The following KIF24 variants were observed in gnomAD, a reference collection of about 807,000 sequenced individuals.
The protein encoded by KIF24 is kinesin-like protein KIF24.
KIF24 carries 81 observed loss-of-function variants against 118.9 expected under a neutral mutation model. The observed-to-expected ratio is 0.68, with a 90% CI of 0.57 to 0.82. The LOEUF is 0.82. Among genes scored for constraint, KIF24 ranks in the 40% least tolerant of loss-of-function variants. The pLI, the probability that KIF24 is intolerant of heterozygous loss-of-function variation, is 0.00. For missense variants in KIF24, 1,560 were observed against 1,661.6 expected, an observed-to-expected ratio of 0.94 and a Z score of 1.06; for synonymous variants, 599 against 610.0, an observed-to-expected ratio of 0.98 and a Z score of 0.27.
At chr9:34,267,690 T>C (rs1010686636) in intron 8 of KIF24, among the ~76,000 whole-genome samples, 4 of 152,208 alleles carry the variant, frequency 2.6e-5, no homozygotes, top group African/African-American at 9.6e-5. Context: ...AAATGAGATA[T>C]TCTACAAGCT....
intron 1 of KIF24, among the ~76,000 whole-genome samples, chr9:34,322,077 A>G (rs970721806): frequency 1.3e-5 from 2 of 151,932 alleles, no homozygotes; most frequent in African/African-American, 4.8e-5. Flanking sequence ...AATTTGTTGT[A>G]CTGTTTAAAA....
At chr9:34,311,751 T>G (rs951920722) in intron 1 of KIF24, among the ~76,000 whole-genome samples, 6 of 148,028 alleles carry the variant, frequency 4.1e-5, no homozygotes, top group African/African-American at 1.5e-4. Flanking sequence ...TATATACGTA[T>G]ATATGTGTAT....
At chr9:34,272,611 A>C (rs908200962) in intron 6 of KIF24, among the ~76,000 whole-genome samples, 41 of 152,108 alleles carry the variant, frequency 2.7e-4, no homozygotes, top group Admixed American at 2.5e-3. Context: ...TTAGTTACTG[A>C]GAATAAAAAA....
chr9:34,310,041 G>T (rs1837077789), intron 2 of KIF24, among the ~76,000 whole-genome samples: 2 of 146,804 alleles, frequency 1.4e-5, no homozygotes, highest in African/African-American at 5.0e-5. Context: ...GGGATTACTT[G>T]TTATTTCACC....
intron 11 of KIF24, 52 bp from the exon 12 acceptor site, chr9:34,255,217 T>G: frequency 8.7e-7 from 1 of 1,144,682 alleles, no homozygotes; most frequent in Non-Finnish European, 1.3e-6. Context: ...CAGCCTCTCC[T>G]GGGTAGCTTT....
chr9:34,253,467 C>G lies in KIF24; in HGVS notation c.*913G>C, dbSNP rs1834687517. 6.6e-6 allele frequency: 1 copy of G among 152,206 alleles called. No homozygotes were observed. The highest frequency in any genetic ancestry group is 2.4e-5 in the African/African-American group (1 of 41,434). 9.4% of individuals were successfully genotyped at this position (152,206 alleles called of 1,614,324 possible). ...GCCTCAGACTGTTGAACAGAGCACT[C>G]TGTTCAACTGCCAAGGTTCCCAACA... On this transcript the variant is annotated 3_prime_UTR_variant, in exon 13 of 13. Coordinates refer to ENST00000402558, the MANE Select transcript of KIF24 (RefSeq NM_194313.4).
upstream of KIF24, among the ~76,000 whole-genome samples, chr9:34,331,312 G>A (rs1405395232): frequency 1.3e-5 from 2 of 152,142 alleles, no homozygotes; most frequent in Non-Finnish European, 2.9e-5. Flanking sequence ...CATATATTTA[G>A]TACCTCTGAT....
intron 6 of KIF24, among the ~76,000 whole-genome samples, chr9:34,278,482 C>A (rs556869969): frequency 9.3e-5 from 14 of 150,742 alleles, no homozygotes; most frequent in East Asian, 3.9e-4. Flanking sequence ...TAAACTATTT[C>A]TTTTTTTCAT....
intron 6 of KIF24, among the ~76,000 whole-genome samples, chr9:34,277,352 T>C (rs959946807): frequency 2.0e-5 from 3 of 152,136 alleles, no homozygotes; most frequent in Non-Finnish European, 2.9e-5. Flanking sequence ...GGTAGAATAT[T>C]GTCAGGCCAG....
chr9:34,307,147 C>T (rs1176391580), intron 2 of KIF24, among the ~76,000 whole-genome samples: 1 of 152,124 alleles, frequency 6.6e-6, no homozygotes, highest in Non-Finnish European at 1.5e-5. Flanking sequence ...TGGCTCATTG[C>T]AGCCTCAACC....
intron 8 of KIF24, among the ~76,000 whole-genome samples, chr9:34,266,730 T>C (rs964610621): frequency 7.3e-5 from 11 of 150,516 alleles, no homozygotes; most frequent in East Asian, 1.9e-4. Flanking sequence ...CCAAGACTCA[T>C]TGAAGAAATG....
chr9:34,265,690 G>C (rs1220175980), intron 8 of KIF24, among the ~76,000 whole-genome samples: 1 of 151,640 alleles, frequency 6.6e-6, no homozygotes, highest in African/African-American at 2.4e-5. Context: ...ATCTTGAACT[G>C]AATTAATCAT....
chr9:34,280,147 A>G (rs889649925), intron 6 of KIF24, among the ~76,000 whole-genome samples: 2 of 150,536 alleles, frequency 1.3e-5, no homozygotes, highest in East Asian at 1.9e-4. Context: ...AGCCGGGCGT[A>G]GTGGCGGGCG....
chr9:34,332,364 T>G (rs904715065), upstream of KIF24, among the ~76,000 whole-genome samples: 1 of 152,200 alleles, frequency 6.6e-6, no homozygotes, highest in African/African-American at 2.4e-5. Context: ...TGCCTTTCCA[T>G]CTTACGTTGC....
intron 5 of KIF24, among the ~76,000 whole-genome samples, chr9:34,287,016 T>C (rs1836076741): frequency 6.6e-6 from 1 of 152,244 alleles, no homozygotes; most frequent in Admixed American, 6.5e-5. Context: ...ATGGGATCTC[T>C]GCTGGTCCAA....
intron 1 of KIF24, among the ~76,000 whole-genome samples, chr9:34,311,763 T>TACAC (rs1193768283): frequency 2.4e-4 from 35 of 147,882 alleles, no homozygotes; most frequent in African/African-American, 8.8e-4. Flanking sequence ...TATGTGTATA[T>TACAC]ATACATATAT....
At chr9:34,296,399 C>T (rs1039324420) in intron 4 of KIF24, among the ~76,000 whole-genome samples, 6 of 151,068 alleles carry the variant, frequency 4.0e-5, no homozygotes, top group South Asian at 2.1e-4. Flanking sequence ...TGGTGGCGGG[C>T]GCCTGTAGTC....
rs557292229 is a variant in KIF24, at chr9:34,296,468, C to T, written c.911+549G>A. Among the ~76,000 whole-genome samples the T allele has an allele frequency of 6.0e-5, 9 of 150,108 alleles. No individual in the cohort carries two copies. The East Asian group carries it at 1.4e-3, about 23-fold the overall frequency. On this transcript the variant is annotated intron_variant, in intron 4 of 12. Transcript: ENST00000402558. ...AGGAGAATGGCGTGAATGTGGGAGG[C>T]AGAGCTTGCAGTGAGCTGAGATCAC...
intron 1 of KIF24, among the ~76,000 whole-genome samples, chr9:34,316,086 T>C (rs970956880): frequency 3.3e-5 from 5 of 151,778 alleles, no homozygotes; most frequent in Non-Finnish European, 7.4e-5. Context: ...GCGTGGGGGC[T>C]CATGCCTATA....
Sources: gnomAD v4.1 joint callset for allele counts (sites outside exome capture counted in the v4.1 genomes callset) on GRCh38, gnomAD v4.1.1 for gene constraint, MANE v1.5 for transcripts, NCBI Gene and HGNC (gene_info 2026-07-23, HGNC 2026-07-21) for gene names.